The following PDZRN3 variants were observed in gnomAD, a reference collection of about 807,000 sequenced individuals.
PDZRN3 encodes the protein E3 ubiquitin-protein ligase PDZRN3.
Under a neutral mutation model 85.7 loss-of-function variants are expected in PDZRN3, and 38 were observed. The ratio of observed to expected loss-of-function variants is 0.44; its 90% CI spans 0.34 to 0.58. The LOEUF (loss-of-function observed/expected upper bound fraction) is 0.58. PDZRN3 is among the 20% of genes least tolerant of loss of function. The pLI is 0.01. For synonymous variants in PDZRN3, 759 were observed against 638.0 expected (o/e 1.19, Z -2.86); for missense variants, 1,629 against 1,506.4 (o/e 1.08, Z -1.35).
chr3:73,497,237 T>A (rs554502477), intron 3 of PDZRN3, among the ~76,000 whole-genome samples: 1 of 152,314 alleles, frequency 6.6e-6, no homozygotes, highest in African/African-American at 2.4e-5. Flanking sequence ...AATGTACATT[T>A]GGAGAGCAGT....
At chr3:73,510,442 G>T (rs1214519438) in intron 3 of PDZRN3, among the ~76,000 whole-genome samples, 2 of 152,210 alleles carry the variant, frequency 1.3e-5, no homozygotes, top group African/African-American at 4.8e-5. Context: ...AAGCAAAAAA[G>T]CTGCAGTCTA....
intron 3 of PDZRN3, among the ~76,000 whole-genome samples, chr3:73,417,407 A>G (rs1178590134): frequency 6.6e-6 from 1 of 152,208 alleles, no homozygotes; most frequent in Non-Finnish European, 1.5e-5. Context: ...CTGAGTTATG[A>G]CAATTGAACT....
intron 3 of PDZRN3, among the ~76,000 whole-genome samples, chr3:73,589,276 C>T (rs992967948): frequency 6.6e-6 from 1 of 152,162 alleles, no homozygotes; most frequent in Non-Finnish European, 1.5e-5. Context: ...TTTCTCTCAT[C>T]TATCTCTACT....
chr3:73,525,166 T>C (rs1373523877), intron 3 of PDZRN3, among the ~76,000 whole-genome samples: 1 of 152,116 alleles, frequency 6.6e-6, no homozygotes, highest in Non-Finnish European at 1.5e-5. Context: ...GTGGCCCTGT[T>C]AAAAGCAGAG....
chr3:73,565,384 T>C (rs1701924349), intron 3 of PDZRN3, among the ~76,000 whole-genome samples: 1 of 151,976 alleles, frequency 6.6e-6, no homozygotes, highest in African/African-American at 2.4e-5. Flanking sequence ...CGCCTTGGCC[T>C]CCCAAAATGC....
intron 3 of PDZRN3, among the ~76,000 whole-genome samples, chr3:73,489,408 C>G (rs976920943): frequency 2.6e-5 from 4 of 152,034 alleles, no homozygotes; most frequent in Non-Finnish European, 4.4e-5. Flanking sequence ...GCATCCAGTA[C>G]AGAGTAGATA....
intron 3 of PDZRN3, among the ~76,000 whole-genome samples, chr3:73,530,258 A>C (rs1039360154): frequency 6.6e-6 from 1 of 152,208 alleles, no homozygotes; most frequent in Non-Finnish European, 1.5e-5. Flanking sequence ...TGGTTCTTTT[A>C]CTGAGCACAG....
intron 3 of PDZRN3, among the ~76,000 whole-genome samples, chr3:73,547,522 C>T (rs1226616705): frequency 6.6e-6 from 1 of 152,184 alleles, no homozygotes; most frequent in Non-Finnish European, 1.5e-5. Flanking sequence ...AGCGGCACTG[C>T]TTAAAGGAGC....
At chr3:73,491,930 G>T (rs1159755287) in intron 3 of PDZRN3, among the ~76,000 whole-genome samples, 1 of 151,966 alleles carries the variant, frequency 6.6e-6, no homozygotes, top group Non-Finnish European at 1.5e-5. Flanking sequence ...GAGGTGCAGG[G>T]TTCACACGTC....
rs562210556 is a variant in PDZRN3 at position 73,517,990 on chromosome 3, G to C, written c.918+84364C>G. On this transcript the variant is annotated intron_variant, in intron 3 of 9. Coordinates refer to ENST00000263666, the MANE Select transcript of PDZRN3 (RefSeq NM_015009.3). ...AAAAATAGAATTACCATATGATTCA[G>C]CAACTCCACTTGTGGGTATATACCC... 2.6e-5 allele frequency among the ~76,000 whole-genome samples: 4 copies of C among 152,320 alleles called. No homozygotes were observed. The South Asian group carries it at 8.3e-4, about 32-fold the overall frequency.
chr3:73,571,477 G>A (rs913578810), intron 3 of PDZRN3, among the ~76,000 whole-genome samples: 4 of 152,226 alleles, frequency 2.6e-5, no homozygotes, highest in African/African-American at 9.7e-5. Flanking sequence ...CACATTCGCA[G>A]CAAATGCCTT....
At chr3:73,435,958 C>T (rs1357132564) in intron 3 of PDZRN3, among the ~76,000 whole-genome samples, 1 of 152,188 alleles carries the variant, frequency 6.6e-6, no homozygotes, top group Non-Finnish European at 1.5e-5. Flanking sequence ...CATTGCTCAC[C>T]CACTCTGGTG....
At chr3:73,412,220 T>C (rs996102958) in intron 3 of PDZRN3, among the ~76,000 whole-genome samples, 7 of 152,244 alleles carry the variant, frequency 4.6e-5, no homozygotes, top group African/African-American at 1.7e-4. Context: ...GCAAGCGTCA[T>C]GCCCGAAGCC....
chr3:73,584,452 G>GGGGT (rs1425593221), intron 3 of PDZRN3, among the ~76,000 whole-genome samples: 1 of 83,918 alleles, frequency 1.2e-5, no homozygotes, highest in Non-Finnish European at 2.5e-5. Flanking sequence ...TTCATTTAAT[G>GGGGT]GTGTGTGTGT....
At chr3:73,523,111 C>T (rs1704412164) in intron 3 of PDZRN3, among the ~76,000 whole-genome samples, 1 of 152,302 alleles carries the variant, frequency 6.6e-6, no homozygotes, top group South Asian at 2.1e-4. Flanking sequence ...CAACCTCCAC[C>T]TCCCTGGTTG....
chr3:73,535,143 TC>T (rs1468988857), intron 3 of PDZRN3, among the ~76,000 whole-genome samples: 15 of 152,162 alleles, frequency 9.9e-5, no homozygotes, highest in Non-Finnish European at 2.2e-4. Flanking sequence ...GGCAGGCTGC[TC>T]CTTTAGCCTG....
In PDZRN3 at chr3:73,401,004, G is replaced by A; in HGVS notation, c.1172C>T (p.Pro391Leu). Reference protein sequence around the residue: ...LDPYLLPEEHPSAHEYYDPND... With the variant: ...LDPYLLPEEHLSAHEYYDPND... ...TGGATCGTAGTATTCATGGGCTGAG[G>A]GATGCCTGAAAAGAGATGCAACATC... Residue 391 changes from proline to leucine, a missense_variant, in exon 5 of 10, where the codon CCC (proline) becomes CTC (leucine). Physicochemically the swap from Pro to Leu is moderately conservative, Grantham distance 98. Transcript: ENST00000263666. 1 of 1,610,416 alleles carries A rather than the reference G, an allele frequency of 6.2e-7. No homozygotes were observed. The highest frequency in any genetic ancestry group is 8.5e-7 in the Non-Finnish European group (1 of 1,176,684).
intron 5 of PDZRN3, among the ~76,000 whole-genome samples, chr3:73,399,540 TAACA>T (rs1701708756): frequency 1.3e-5 from 2 of 152,188 alleles, no homozygotes; most frequent in Non-Finnish European, 2.9e-5. Flanking sequence ...GGAACATACA[TAACA>T]AATTAAGGAA....
At chr3:73,495,432 C>A (rs1248750804) in intron 3 of PDZRN3, among the ~76,000 whole-genome samples, 1 of 152,212 alleles carries the variant, frequency 6.6e-6, no homozygotes, top group Non-Finnish European at 1.5e-5. Flanking sequence ...TATATTGATT[C>A]ATGTATATGC....
Sources: gnomAD v4.1 joint callset for allele counts (sites outside exome capture counted in the v4.1 genomes callset) on GRCh38, gnomAD v4.1.1 for gene constraint, MANE v1.5 for transcripts, NCBI Gene and HGNC (gene_info 2026-07-23, HGNC 2026-07-21) for gene names.